The following CCSER1 variants were observed in gnomAD, a reference collection of about 807,000 sequenced individuals.
CCSER1 encodes the protein serine-rich coiled-coil domain-containing protein 1.
Under a neutral mutation model 82.0 loss-of-function variants are expected in CCSER1, and 41 were observed. That is an observed-to-expected ratio of 0.50 (90% confidence interval 0.39 to 0.65). The LOEUF (loss-of-function observed/expected upper bound fraction) is 0.65. CCSER1 is among the 30% of genes least tolerant of loss of function. The probability of loss-of-function intolerance (pLI) is 0.00; values close to 1 mark genes in which losing one functional copy is unlikely to be tolerated. For missense variants in CCSER1, 1,119 were observed against 1,064.2 expected (o/e 1.05, Z -0.72); for synonymous variants, 414 against 383.9 (o/e 1.08, Z -0.92).
intron 8 of CCSER1, among the ~76,000 whole-genome samples, chr4:90,887,067 A>G (rs901553278): frequency 6.6e-6 from 1 of 152,198 alleles, no homozygotes; most frequent in Non-Finnish European, 1.5e-5. Flanking sequence ...GATGAAGTAT[A>G]TAAAACCTAC....
At chr4:90,484,973 G>A (rs184797358) in intron 5 of CCSER1, among the ~76,000 whole-genome samples, 1 of 152,322 alleles carries the variant, frequency 6.6e-6, no homozygotes, top group East Asian at 1.9e-4. Flanking sequence ...AGCCCCTAGA[G>A]GTGGAGGCTA....
chr4:90,554,297 G>A (rs1321713367), intron 5 of CCSER1, among the ~76,000 whole-genome samples: 3 of 152,164 alleles, frequency 2.0e-5, no homozygotes, highest in Non-Finnish European at 2.9e-5. Context: ...CTAGGAGGTC[G>A]AAGCCTCAGG....
At chr4:90,878,931 T>C (rs771154124) in intron 8 of CCSER1, among the ~76,000 whole-genome samples, 6 of 152,188 alleles carry the variant, frequency 3.9e-5, no homozygotes, top group Admixed American at 2.6e-4. Context: ...TCCACTATTA[T>C]TGGCATTTTT....
intron 10 of CCSER1, among the ~76,000 whole-genome samples, chr4:91,467,572 G>A (rs1174064055): frequency 1.3e-5 from 2 of 152,064 alleles, no homozygotes; most frequent in East Asian, 3.9e-4. Flanking sequence ...GCAACCTACA[G>A]AATGGGAGAA....
chr4:91,348,323 T>C (rs1438293746), intron 10 of CCSER1, among the ~76,000 whole-genome samples: 1 of 152,202 alleles, frequency 6.6e-6, no homozygotes, highest in Non-Finnish European at 1.5e-5. Flanking sequence ...ACACCTGTCA[T>C]AAATTCCATT....
chr4:90,210,085 C>T (rs1436688989), intron 1 of CCSER1, among the ~76,000 whole-genome samples: 1 of 152,096 alleles, frequency 6.6e-6, no homozygotes, highest in South Asian at 2.1e-4. Flanking sequence ...ATCTCTTTTT[C>T]CCTTCCATGC....
intron 10 of CCSER1, among the ~76,000 whole-genome samples, chr4:91,413,358 G>A (rs114962227): frequency 6.6e-6 from 1 of 152,036 alleles, no homozygotes; most frequent in Non-Finnish European, 1.5e-5. Flanking sequence ...TACTCAGGAG[G>A]TGGTAGTGGG....
intron 9 of CCSER1, among the ~76,000 whole-genome samples, chr4:91,056,569 C>A (rs1743468347): frequency 6.6e-6 from 1 of 152,150 alleles, no homozygotes; most frequent in Non-Finnish European, 1.5e-5. Flanking sequence ...TCCTAGAAGG[C>A]CCTAATTCCC....
intron 1 of CCSER1, among the ~76,000 whole-genome samples, chr4:90,297,191 C>T (rs1391525677): frequency 2.0e-5 from 3 of 150,440 alleles, no homozygotes; most frequent in Non-Finnish European, 4.4e-5. Context: ...TGTAGTTCTC[C>T]TTGAAGAGGT....
intron 8 of CCSER1, among the ~76,000 whole-genome samples, chr4:90,881,222 A>G (rs1721261990): frequency 6.6e-6 from 1 of 152,096 alleles, no homozygotes; most frequent in Admixed American, 6.6e-5. Context: ...TCGTTTCCAC[A>G]ATGCCATCTT....
intron 10 of CCSER1, among the ~76,000 whole-genome samples, chr4:91,248,997 T>C (rs1483600007): frequency 6.6e-6 from 1 of 152,168 alleles, no homozygotes; most frequent in African/African-American, 2.4e-5. Flanking sequence ...TAGAGCTCTT[T>C]ATGATATCAA....
At position 90,818,386 on chromosome 4, in the gene CCSER1, T is replaced by A. The variant is rs1278187039; in HGVS notation, c.2094+2541T>A. Among the ~76,000 whole-genome samples, 3 of 151,774 alleles carry A rather than the reference T, an allele frequency of 2.0e-5. No homozygotes were observed. The East Asian group carries it at 5.8e-4, about 29-fold the overall frequency. Reference sequence around the variant, plus strand: ...TCCACCTCCTGGGTTCAAGCGATTCTCTTGCCTCAGCCTCCCAAGAAGCTG... The same window carrying A: ...TCCACCTCCTGGGTTCAAGCGATTCACTTGCCTCAGCCTCCCAAGAAGCTG... On this transcript the variant is annotated intron_variant, in intron 8 of 10. Transcript: ENST00000509176.
intron 3 of CCSER1, among the ~76,000 whole-genome samples, chr4:90,333,964 T>C (rs144161435): frequency 1.3e-5 from 2 of 152,126 alleles, no homozygotes; most frequent in Admixed American, 1.3e-4. Flanking sequence ...TTACAGTAAA[T>C]AGCAAAATCA....
chr4:90,589,071 T>C (rs1268565876), intron 5 of CCSER1, among the ~76,000 whole-genome samples: 1 of 152,162 alleles, frequency 6.6e-6, no homozygotes, highest in Non-Finnish European at 1.5e-5. Flanking sequence ...ATTTGTGCAA[T>C]AAGGCAAATA....
At chr4:91,402,834 C>G (rs1216926817) in intron 10 of CCSER1, among the ~76,000 whole-genome samples, 1 of 152,174 alleles carries the variant, frequency 6.6e-6, no homozygotes, top group Non-Finnish European at 1.5e-5. Context: ...AGCATGATGC[C>G]TCCAGCTTTG....
intron 10 of CCSER1, among the ~76,000 whole-genome samples, chr4:91,386,267 CAG>C (rs1357776452): frequency 2.0e-5 from 3 of 151,884 alleles, no homozygotes; most frequent in African/African-American, 7.2e-5. Context: ...CAAAAGGTCA[CAG>C]GGGATATCTT....
chr4:91,190,991 A>G lies in CCSER1; in HGVS notation c.2217+104997A>G, dbSNP rs556200040. Among the ~76,000 whole-genome samples the G allele has an allele frequency of 3.5e-4, 53 of 152,352 alleles. No individual in the cohort carries two copies. In the East Asian group the frequency reaches 9.8e-3, roughly 28 times the overall value. ...TATCAGGATTAAATGAGTTAATCAG[A>G]ATAATGTCTGAAACATAATGGATGC... On this transcript the variant is annotated intron_variant, in intron 10 of 10. Transcript: ENST00000509176.
At chr4:90,147,642 A>C (rs1726060030) in intron 1 of CCSER1, among the ~76,000 whole-genome samples, 2 of 152,196 alleles carry the variant, frequency 1.3e-5, no homozygotes, top group Admixed American at 1.3e-4. Flanking sequence ...AATCCTGATA[A>C]TCTTCATGAC....
At chr4:90,489,106 C>A (rs1767567580) in intron 5 of CCSER1, among the ~76,000 whole-genome samples, 1 of 152,136 alleles carries the variant, frequency 6.6e-6, no homozygotes, top group Non-Finnish European at 1.5e-5. Context: ...TTTCCAAATT[C>A]ATGATTAAGT....
Sources: allele counts gnomAD v4.1 joint callset (sites outside exome capture counted in the v4.1 genomes callset), GRCh38; gene constraint gnomAD v4.1.1; transcripts MANE v1.5; gene names NCBI Gene and HGNC (gene_info 2026-07-23, HGNC 2026-07-21).